HEMK2: variants seen among roughly 807,000 people sequenced by gnomAD.
HEMK2 encodes methyltransferase HEMK2.
the HEMK2 span, among the ~76,000 whole-genome samples, chr21:28,620,037 T>C: frequency 6.6e-6 from 1 of 152,208 alleles, no homozygotes; most frequent in Non-Finnish European, 1.5e-5. Context: ...TATTTATTTC[T>C]CTTGCCTGAT....
chr21:28,828,152 C>A, the HEMK2 span, among the ~76,000 whole-genome samples: 1 of 144,404 alleles, frequency 6.9e-6, no homozygotes, highest in Admixed American at 6.8e-5. Flanking sequence ...AAGAGTATTT[C>A]GAAACTGATA....
chr21:28,875,160 G>C, the HEMK2 span: 1 of 152,254 alleles, frequency 6.6e-6, no homozygotes, highest in Non-Finnish European at 1.5e-5. Flanking sequence ...ACTTCTTCAT[G>C]TAACTTCCTT....
the HEMK2 span, among the ~76,000 whole-genome samples, chr21:28,755,970 T>A: frequency 6.6e-6 from 1 of 152,196 alleles, no homozygotes; most frequent in South Asian, 2.1e-4. Context: ...AAAATATATG[T>A]GTGAGCCCAA....
chr21:28,872,637 C>T, the HEMK2 span: 2 of 152,198 alleles, frequency 1.3e-5, no homozygotes, highest in Non-Finnish European at 2.9e-5. Flanking sequence ...TAAGAGGTCC[C>T]ATGATCTGTC....
the HEMK2 span, among the ~76,000 whole-genome samples, chr21:28,749,678 G>T: frequency 6.6e-6 from 1 of 152,214 alleles, no homozygotes; most frequent in African/African-American, 2.4e-5. Flanking sequence ...TTTTAACATG[G>T]TCTTTGCTCA....
chr21:28,652,010 T>A, the HEMK2 span, among the ~76,000 whole-genome samples: 1 of 152,250 alleles, frequency 6.6e-6, no homozygotes, highest in Non-Finnish European at 1.5e-5. Context: ...TCTTTGGATT[T>A]GATTTGAATA....
the HEMK2 span, among the ~76,000 whole-genome samples, chr21:28,883,585 G>T: frequency 6.6e-6 from 1 of 151,438 alleles, no homozygotes; most frequent in African/African-American, 2.4e-5. Flanking sequence ...TCTTTTTCTG[G>T]ACAGCTATAT....
At chr21:28,848,132 G>C in the HEMK2 span, among the ~76,000 whole-genome samples, 2 of 152,218 alleles carry the variant, frequency 1.3e-5, no homozygotes, top group South Asian at 4.1e-4. Flanking sequence ...ATGAATTTTA[G>C]AACAGTCTTT....
At chr21:28,764,002 G>A in the HEMK2 span, among the ~76,000 whole-genome samples, 1 of 152,120 alleles carries the variant, frequency 6.6e-6, no homozygotes, top group Non-Finnish European at 1.5e-5. Flanking sequence ...ATGTTGCATA[G>A]TGTCCCCCTG....
At chr21:28,653,174 C>T in the HEMK2 span, among the ~76,000 whole-genome samples, 1 of 149,786 alleles carries the variant, frequency 6.7e-6, no homozygotes, top group East Asian at 1.9e-4. Context: ...ACACCACTGG[C>T]TCATCCTTAA....
chr21:28,784,657 T>C, the HEMK2 span, among the ~76,000 whole-genome samples: 2 of 152,210 alleles, frequency 1.3e-5, no homozygotes, highest in Non-Finnish European at 2.9e-5. Flanking sequence ...CAGTGCTCTG[T>C]GTCTAGCTAA....
chr21:28,864,993 C>A, the HEMK2 span, among the ~76,000 whole-genome samples: 1 of 151,424 alleles, frequency 6.6e-6, no homozygotes. Context: ...CCCTTCCTTA[C>A]CCTATGCAGA....
At chr21:28,637,607 A>G in the HEMK2 span, among the ~76,000 whole-genome samples, 13 of 152,222 alleles carry the variant, frequency 8.5e-5, no homozygotes, top group African/African-American at 2.4e-5. Context: ...CAACACTTGC[A>G]TTCATGGCTC....
chr21:28,585,663 T>A, the HEMK2 span, among the ~76,000 whole-genome samples: 1 of 152,060 alleles, frequency 6.6e-6, no homozygotes, highest in Non-Finnish European at 1.5e-5. Context: ...ATGACATATC[T>A]GAAAAAGAGT....
the HEMK2 span, chr21:28,876,464 T>A: frequency 6.2e-7 from 1 of 1,604,706 alleles, no homozygotes; most frequent in East Asian, 2.2e-5. Flanking sequence ...TTGCAGACCT[T>A]TTGTCTTCAT....
At chr21:28,600,250 G>C in the HEMK2 span, among the ~76,000 whole-genome samples, 1 of 152,244 alleles carries the variant, frequency 6.6e-6, no homozygotes, top group Non-Finnish European at 1.5e-5. Context: ...CTTCTGCATG[G>C]ACATCCAACT....
the HEMK2 span, chr21:28,885,280 C>G: frequency 6.3e-7 from 1 of 1,595,140 alleles, no homozygotes; most frequent in Non-Finnish European, 8.6e-7. Flanking sequence ...CGGGCTCGTA[C>G]ACGTCGCTGA....
the HEMK2 span, among the ~76,000 whole-genome samples, chr21:28,730,923 C>T: frequency 6.6e-6 from 1 of 151,980 alleles, no homozygotes; most frequent in East Asian, 1.9e-4. Flanking sequence ...CCGTGACAGA[C>T]AAGTCAAGCA....
the HEMK2 span, among the ~76,000 whole-genome samples, chr21:28,685,041 A>T: frequency 6.3e-3 from 955 of 152,264 alleles, 7 homozygotes; most frequent in Non-Finnish European, 0.011. Flanking sequence ...TTTTAAAGGG[A>T]GAATGAGAGA....
Sources: allele counts gnomAD v4.1 joint callset (sites outside exome capture counted in the v4.1 genomes callset), GRCh38; gene constraint gnomAD v4.1.1; transcripts MANE v1.5; gene names NCBI Gene and HGNC (gene_info 2026-07-23, HGNC 2026-07-21).